RSPO2: variants seen among roughly 807,000 people sequenced by gnomAD.
RSPO2 encodes R-spondin 2, also known as R-spondin-2.
In RSPO2, 14 loss-of-function variants were observed where a neutral mutation model predicts 30.9. That is an observed-to-expected ratio of 0.45 (90% confidence interval 0.30 to 0.71). RSPO2 has a LOEUF of 0.71. Ranked by LOEUF, RSPO2 falls within the 30% of genes least tolerant of loss-of-function variation. The pLI, the probability that RSPO2 is intolerant of heterozygous loss-of-function variation, is 0.08. For synonymous variants in RSPO2, 107 were observed against 96.4 expected (o/e 1.11, Z -0.64); for missense variants, 264 against 301.9 (o/e 0.87, Z 0.93).
At chr8:108,010,594 C>A (rs560730745) in intron 2 of RSPO2, among the ~76,000 whole-genome samples, 18 of 152,196 alleles carry the variant, frequency 1.2e-4, no homozygotes, top group African/African-American at 4.3e-4. Flanking sequence ...GACAGAGATG[C>A]AGAGAGCCTG....
intron 5 of RSPO2, among the ~76,000 whole-genome samples, chr8:107,933,475 T>C (rs763274793): frequency 6.6e-6 from 1 of 152,174 alleles, no homozygotes. Flanking sequence ...CCTCTCTCTA[T>C]ATGTGTGTGT....
chr8:108,062,898 A>G (rs943492882), intron 2 of RSPO2, among the ~76,000 whole-genome samples: 1 of 151,918 alleles, frequency 6.6e-6, no homozygotes, highest in Non-Finnish European at 1.5e-5. Context: ...AATAAATGTA[A>G]TCCAGCATAT....
intron 5 of RSPO2, among the ~76,000 whole-genome samples, chr8:107,934,013 G>A (rs1412414301): frequency 6.6e-6 from 1 of 152,104 alleles, no homozygotes; most frequent in Non-Finnish European, 1.5e-5. Context: ...AAAATGAAGT[G>A]CAACTTGTAA....
At chr8:108,025,126 C>A (rs990817317) in intron 2 of RSPO2, among the ~76,000 whole-genome samples, 1 of 152,254 alleles carries the variant, frequency 6.6e-6, no homozygotes, top group Non-Finnish European at 1.5e-5. Context: ...CACAAGCAAA[C>A]ATACATATAT....
intron 5 of RSPO2, among the ~76,000 whole-genome samples, chr8:107,932,822 T>TTG (rs1416827327): frequency 2.0e-5 from 3 of 152,006 alleles, no homozygotes; most frequent in Admixed American, 6.6e-5. Context: ...GAGAGCAAGG[T>TTG]AACCGATCAT....
At chr8:108,070,278 CTTTTTTTTTTTTTT>C (rs1050611219) in intron 2 of RSPO2, among the ~76,000 whole-genome samples, 2 of 81,190 alleles carry the variant, frequency 2.5e-5, no homozygotes, top group African/African-American at 9.7e-5. Flanking sequence ...GACCCCATCT[CTTTTTTTTTTTTTT>C]TTTTTTTTTT....
At chr8:107,977,422 T>C (rs1814255276) in intron 3 of RSPO2, among the ~76,000 whole-genome samples, 2 of 152,214 alleles carry the variant, frequency 1.3e-5, no homozygotes, top group African/African-American at 4.8e-5. Context: ...AACAGGTGGT[T>C]CTGATGCACA....
chr8:107,954,256 C>T (rs539905482), intron 5 of RSPO2, among the ~76,000 whole-genome samples: 25 of 152,286 alleles, frequency 1.6e-4, no homozygotes, highest in African/African-American at 5.5e-4. Context: ...CATGAACATC[C>T]TCCAACATAA....
chr8:107,977,443 C>T (rs1464726629), intron 3 of RSPO2, among the ~76,000 whole-genome samples: 1 of 152,136 alleles, frequency 6.6e-6, no homozygotes, highest in Admixed American at 6.6e-5. Context: ...CTTTGAGAAC[C>T]ACTTCATTCT....
chr8:108,037,969 T>A (rs1334891366), intron 2 of RSPO2, among the ~76,000 whole-genome samples: 1 of 152,212 alleles, frequency 6.6e-6, no homozygotes, highest in Non-Finnish European at 1.5e-5. Context: ...AGATCCATTA[T>A]GTAGCCAGTG....
In RSPO2 at chr8:107,920,500, T is replaced by C. The variant is rs1812126572; in HGVS notation, c.617-19310A>G. ...ATGGAAACATTAAATGTGACAATATTTGGATCATATGCCACTTTAAGTCAT... is the reference window on the plus strand; with the variant it reads ...ATGGAAACATTAAATGTGACAATATCTGGATCATATGCCACTTTAAGTCAT... On this transcript the variant is annotated intron_variant, in intron 5 of 5. Transcript: ENST00000276659. Among the ~76,000 whole-genome samples the C allele has an allele frequency of 2.6e-5, 4 of 152,196 alleles. 1 individual carries two copies. The South Asian group carries it at 8.3e-4, about 32-fold the overall frequency.
At chr8:107,924,061 C>A (rs1398990451) in intron 5 of RSPO2, among the ~76,000 whole-genome samples, 2 of 150,272 alleles carry the variant, frequency 1.3e-5, no homozygotes. Context: ...ACCCATATAA[C>A]AAAGTTGCAC....
rs773874508 is a variant in RSPO2 at position 108,082,601 on chromosome 8, A to G, written c.38T>C (p.Leu13Pro). Reference protein sequence around the residue: ...FRLFSFALIILNCMDYSHCQG... With the variant: ...FRLFSFALIIPNCMDYSHCQG... The stretch of plus-strand genomic sequence containing the variant: ...GCAGTGGCTGTAATCCATGCAGTTC[A>G]GAATGATGAGGGCAAAGGAGAAAAG... The change falls in exon 2 of 6, where the codon CTG becomes CCG. Residue 13 changes from leucine to proline, a missense_variant. Leu to Pro is a moderately conservative substitution (Grantham distance 98). Coordinates refer to ENST00000276659, the MANE Select transcript of RSPO2 (RefSeq NM_178565.5). The G allele has an allele frequency of 6.2e-7, 1 of 1,614,176 alleles. No homozygotes were observed. Among genetic ancestry groups the G allele is most frequent in the Non-Finnish European group, 8.5e-7 (1 of 1,180,024 alleles).
intron 5 of RSPO2, among the ~76,000 whole-genome samples, chr8:107,911,941 C>T (rs1811840013): frequency 6.6e-6 from 1 of 152,088 alleles, no homozygotes; most frequent in Admixed American, 6.6e-5. Flanking sequence ...CACACAATAT[C>T]AGGGTTCCCT....
At chr8:108,008,230 T>C (rs763872014) in intron 2 of RSPO2, among the ~76,000 whole-genome samples, 15 of 152,222 alleles carry the variant, frequency 9.9e-5, no homozygotes, top group Non-Finnish European at 2.1e-4. Context: ...TAGAAAAATT[T>C]TAATGTGAAA....
intron 5 of RSPO2, among the ~76,000 whole-genome samples, chr8:107,952,308 CACACACACAT>C (rs1813279162): frequency 6.6e-6 from 1 of 151,858 alleles, no homozygotes; most frequent in East Asian, 1.9e-4. Flanking sequence ...CACACACACA[CACACACACAT>C]ATTATGATTA....
At chr8:108,020,185 G>A (rs1390737373) in intron 2 of RSPO2, among the ~76,000 whole-genome samples, 2 of 151,840 alleles carry the variant, frequency 1.3e-5, no homozygotes, top group African/African-American at 4.8e-5. Flanking sequence ...CCATCTCAGA[G>A]TCTCACCCCC....
rs144091031 is a variant in RSPO2, at chr8:108,079,324, C to G, written c.94+3221G>C. 3.4e-3 allele frequency among the ~76,000 whole-genome samples: 524 copies of G among 152,186 alleles called. 4 individuals carry two copies. The highest frequency in any genetic ancestry group is 0.011 in the African/African-American group (472 of 41,522). On this transcript the variant is annotated intron_variant, in intron 2 of 5. Transcript: ENST00000276659. ...TATTGCAACCAGGCCCCATTAGTGA[C>G]TATCAAATGCATTTTTATAATTTTT... is the stretch of plus-strand genomic sequence containing the variant.
intron 2 of RSPO2, among the ~76,000 whole-genome samples, chr8:108,006,972 C>T (rs543091477): frequency 6.6e-6 from 1 of 152,256 alleles, no homozygotes; most frequent in African/African-American, 2.4e-5. Context: ...CAGCATGTAC[C>T]TTCTAAAAAT....
Sources: gnomAD v4.1 joint callset for allele counts (sites outside exome capture counted in the v4.1 genomes callset) on GRCh38, gnomAD v4.1.1 for gene constraint, MANE v1.5 for transcripts, NCBI Gene and HGNC (gene_info 2026-07-23, HGNC 2026-07-21) for gene names.